PITPNM1: variants seen among roughly 807,000 people sequenced by gnomAD.
PITPNM1 encodes membrane-associated phosphatidylinositol transfer protein 1.
Under a neutral mutation model 133.3 loss-of-function variants are expected in PITPNM1, and 74 were observed. The ratio of observed to expected loss-of-function variants is 0.56; its 90% CI spans 0.46 to 0.67. The LOEUF (loss-of-function observed/expected upper bound fraction) is 0.67, where lower values mean the gene tolerates loss of function less well. Ranked by LOEUF, PITPNM1 falls within the 30% of genes least tolerant of loss-of-function variation. The pLI, the probability that PITPNM1 is intolerant of heterozygous loss-of-function variation, is 0.00. For missense variants in PITPNM1, 1,398 were observed against 1,739.5 expected, an observed-to-expected ratio of 0.80 and a Z score of 3.49; for synonymous variants, 738 against 741.4, an observed-to-expected ratio of 1.00 and a Z score of 0.08.
Position 67,498,117 on chromosome 11 carries a change from G to C in PITPNM1, c.1674+16C>G. 1 of 1,611,662 alleles carries C rather than the reference G, an allele frequency of 6.2e-7. No individual in the cohort carries two copies. On this transcript the variant is annotated intron_variant, in intron 11 of 23. Transcript: ENST00000356404. The surrounding 1 kb of genome is among the most constrained non-coding windows in gnomAD (Gnocchi z 5.7). The stretch of plus-strand genomic sequence containing the variant: ...TGCAGTGGAGGGCAGCAGATGGACT[G>C]TCCCTAACCGCTGACCTGCCCACAG...
rs1468045768 is a variant in PITPNM1, at chr11:67,498,824, A to G, written c.1256T>C (p.Leu419Pro). The change falls in exon 10 of 24, where the codon CTG (leucine) becomes CCG (proline). Residue 419 changes from leucine to proline, a missense_variant. Leu to Pro is a moderately conservative substitution (Grantham distance 98, BLOSUM62 -3). Transcript: ENST00000356404. The surrounding 1 kb of genome is among the most constrained non-coding windows in gnomAD (Gnocchi z 5.7). ...DSEGLDGAGE[L>P]GAEACAVHAL... is the part of the protein sequence containing the mutation. Reference sequence around the variant, plus strand: ...GTGGACTGCGCATGCCTCAGCCCCCAGCTCCCCGGCTCCATCCAGGCCCTG... The same window carrying G: ...GTGGACTGCGCATGCCTCAGCCCCCGGCTCCCCGGCTCCATCCAGGCCCTG... 1.2e-6 allele frequency: 2 copies of G among 1,610,646 alleles called. No homozygotes were observed. Among genetic ancestry groups the G allele is most frequent in the East Asian group, 4.5e-5 (2 of 44,796 alleles).
chr11:67,493,421 G>T lies in PITPNM1; in HGVS notation c.3331C>A (p.Leu1111Met). 1 of 1,592,340 alleles carries T rather than the reference G, an allele frequency of 6.3e-7. No homozygotes were observed. Reference protein sequence around the residue: ...LRQKAMFLQSLVQEVELNIVA... With the variant: ...LRQKAMFLQSMVQEVELNIVA... Reference sequence around the variant, plus strand: ...CCCAGCCGCCGCACCTCCTGCACCAGGCTCTGCAGAAACATTGCCTTCTGG... The same window carrying T: ...CCCAGCCGCCGCACCTCCTGCACCATGCTCTGCAGAAACATTGCCTTCTGG... Residue 1111 changes from leucine (L) to methionine (M), a missense_variant, in exon 22 of 24, where the codon CTG becomes ATG. Coordinates refer to ENST00000356404, the MANE Select transcript of PITPNM1 (RefSeq NM_004910.3).
chr11:67,492,856 T>C, intron 23 of PITPNM1, 78 bp downstream of exon 23: 1 of 1,519,410 alleles, frequency 6.6e-7, no homozygotes, highest in Non-Finnish European at 8.9e-7. Flanking sequence ...TTCCCCAGAG[T>C]CCGTGGTTCC....
At position 67,497,474 on chromosome 11, in the gene PITPNM1, G is replaced by A. The variant is rs769261225; in HGVS notation, c.1941-38C>T. 3.8e-6 allele frequency: 6 copies of A among 1,595,182 alleles called. No individual in the cohort carries two copies. In the East Asian group the frequency reaches 1.1e-4, roughly 30 times the overall value. Reference sequence around the variant, plus strand: ...AGGGGTGCTCAGTGCTGCTGCCTCTGTAGTCCATCATGTGCCCAGGGTAGG... The same window carrying A: ...AGGGGTGCTCAGTGCTGCTGCCTCTATAGTCCATCATGTGCCCAGGGTAGG... On this transcript the variant is annotated intron_variant, in intron 13 of 23. Coordinates refer to ENST00000356404, the MANE Select transcript of PITPNM1 (RefSeq NM_004910.3).
At position 67,502,683 on chromosome 11, in the gene PITPNM1, G is replaced by A. The variant is rs117420640; in HGVS notation, c.114C>T (p.Ser38=). Residue 38 remains serine (S), a synonymous_variant, in exon 3 of 24, where the codon AGC becomes AGT. Coordinates refer to ENST00000356404, the MANE Select transcript of PITPNM1 (RefSeq NM_004910.3). This position sits in a 1 kb window ranked among gnomAD's most constrained non-coding sequence, Gnocchi z 5.9. Reference sequence around the variant, plus strand: ...GCCGGTTGGCCAGGATCTCCACGCCGCTGCCCTCACCACTAGACTCCTCCC... The same window carrying A: ...GCCGGTTGGCCAGGATCTCCACGCCACTGCCCTCACCACTAGACTCCTCCC... ...KSREESSGEG[S]GVEILANRPY... 6,048 of 1,613,308 alleles carry A rather than the reference G, an allele frequency of 3.7e-3. 17 individuals carry two copies. The highest frequency in any genetic ancestry group is 4.8e-3 in the Non-Finnish European group (5,605 of 1,179,958).
rs769872203 is a variant in PITPNM1 at position 67,496,244 on chromosome 11, T to C, written c.2251A>G (p.Ile751Val). 1 of 1,558,462 alleles carries C rather than the reference T, an allele frequency of 6.4e-7. No individual in the cohort carries two copies. The highest frequency in any genetic ancestry group is 2.5e-5 in the East Asian group (1 of 40,248). Residue 751 changes from isoleucine (I) to valine (V), a missense_variant, in exon 15 of 24, where the codon ATC (isoleucine) becomes GTC (valine). Physicochemically the swap from Ile to Val is conservative, Grantham distance 29. This residue lies in a region of PITPNM1 where 574 missense variants were observed against 698.7 expected (regional missense o/e 0.82). Coordinates refer to ENST00000356404, the MANE Select transcript of PITPNM1 (RefSeq NM_004910.3). ...TAGCGGGGCACGGTCAGTGGGGCGA[T>C]GGCCTGGAACTTCGGGGCCAGCAGG... ...EPLLAPKFQA[I>V]APLTVPRYQK...
chr11:67,496,074 G>A, intron 15 of PITPNM1, 104 bp downstream of exon 15: 1 of 1,116,828 alleles, frequency 9.0e-7, no homozygotes, highest in Non-Finnish European at 1.2e-6. Flanking sequence ...GTGGTGGCCT[G>A]AGAGGTTTTC....
Position 67,498,962 on chromosome 11 carries a change from G to A in PITPNM1, c.1211C>T (p.Ala404Val). ...AEAAKGIEDGAQAPRDSEGLD... is the reference protein window; with the variant it reads ...AEAAKGIEDGVQAPRDSEGLD... ...CGCCTCTGAGTCCCTGGGTGCTTGG[G>A]CCCCATCCTCAATGCCTTTAGCTGC... Residue 404 changes from alanine (A) to valine (V), a missense_variant, in exon 9 of 24, where the codon GCC becomes GTC. Ala to Val is a moderately conservative substitution (Grantham distance 64). This residue lies in a region of PITPNM1 where 574 missense variants were observed against 698.7 expected (regional missense o/e 0.82). Transcript: ENST00000356404. The surrounding 1 kb of genome is among the most constrained non-coding windows in gnomAD (Gnocchi z 5.7). The A allele has an allele frequency of 6.2e-7, 1 of 1,612,810 alleles. No individual in the cohort carries two copies. Among genetic ancestry groups the A allele is most frequent in the Non-Finnish European group, 8.5e-7 (1 of 1,179,694 alleles).
intron 14 of PITPNM1, chr11:67,496,581 C>A: frequency 2.0e-6 from 1 of 507,770 alleles, no homozygotes; most frequent in Non-Finnish European, 3.4e-6. Context: ...AGATGGATCA[C>A]TTGAGGTCAG....
Position 67,493,996 on chromosome 11 carries a change from C to G in PITPNM1, c.2934G>C (p.Ser978=), listed in dbSNP as rs748451618. 74 of 1,611,916 alleles carry G rather than the reference C, an allele frequency of 4.6e-5. 1 individual carries two copies. The South Asian group carries it at 7.3e-4, about 16-fold the overall frequency. The change falls in exon 20 of 24, where the codon TCG becomes TCC. Residue 978 remains serine, a synonymous_variant. Transcript: ENST00000356404. ...GGGGAACTGGGAAGGTGAGGCGGCC[C>G]GAGCTATTGGTGACTTCGGTGCCAA... ...IHFGTEVTNS[S]GRLTFPVPPE... is the part of the protein sequence containing the mutation.
At chr11:67,496,629 G>A (rs1005887959) in intron 14 of PITPNM1, 9 of 426,172 alleles carry the variant, frequency 2.1e-5, no homozygotes, top group South Asian at 4.1e-5. Flanking sequence ...GTGAAACCCC[G>A]TCTCCATTAA....
Position 67,492,266 on chromosome 11 carries a change from C to A in PITPNM1, c.3502G>T (p.Gly1168Cys), listed in dbSNP as rs780525987. The A allele has an allele frequency of 6.3e-7, 1 of 1,587,402 alleles. No individual in the cohort carries two copies. Among genetic ancestry groups the A allele is most frequent in the Admixed American group, 1.7e-5 (1 of 57,194 alleles). ...FLSDGYVAHL[G>C]QLEAGSHSHA... ...GAGTGCGAGCCCGCTTCCAGCTGGCCCAGGTGGGCCACATAGCCGTCTGAC... is the reference window on the plus strand; with the variant it reads ...GAGTGCGAGCCCGCTTCCAGCTGGCACAGGTGGGCCACATAGCCGTCTGAC... The change falls in exon 24 of 24, where the codon GGC becomes TGC. Residue 1168 changes from glycine to cysteine, a missense_variant. Physicochemically the swap from Gly to Cys is radical, Grantham distance 159. This residue lies in a region of PITPNM1 where 122 missense variants were observed against 123.3 expected (regional missense o/e 0.99). Coordinates refer to ENST00000356404, the MANE Select transcript of PITPNM1 (RefSeq NM_004910.3).
chr11:67,502,111 G>C lies in PITPNM1; in HGVS notation c.416-25C>G. 1 of 1,601,754 alleles carries C rather than the reference G, an allele frequency of 6.2e-7. No individual in the cohort carries two copies. The highest frequency in any genetic ancestry group is 8.5e-7 in the Non-Finnish European group (1 of 1,172,342). ...TCTGAGGGAGTTCGGCAAGCATTGA[G>C]CAGCGCCAGCCCCTTTGAGCCCCCG... is the stretch of plus-strand genomic sequence containing the variant. On this transcript the variant is annotated intron_variant, in intron 4 of 23. Coordinates refer to ENST00000356404, the MANE Select transcript of PITPNM1 (RefSeq NM_004910.3). The surrounding 1 kb of genome is among the most constrained non-coding windows in gnomAD (Gnocchi z 5.9).
chr11:67,495,193 C>T lies in PITPNM1; in HGVS notation c.2515G>A (p.Asp839Asn), dbSNP rs1427152690. The T allele has an allele frequency of 6.2e-7, 1 of 1,607,384 alleles. No individual in the cohort carries two copies. Among genetic ancestry groups the T allele is most frequent in the Non-Finnish European group, 8.5e-7 (1 of 1,176,950 alleles). ...LERWWGTKRI[D>N]YSLYCPEALT... ...GCCTCGGGGCAGTACAGCGAGTAGT[C>T]GATCCGCTTGGTCCCCCACCAGCGC... The change falls in exon 17 of 24, where the codon GAC becomes AAC. Residue 839 changes from aspartate (D) to asparagine (N), a missense_variant. By Grantham distance (23) the Asp-to-Asn change is conservative. Transcript: ENST00000356404.
At position 67,493,753 on chromosome 11, in the gene PITPNM1, G is replaced by T; in HGVS notation, c.3093C>A (p.Phe1031Leu). The change falls in exon 21 of 24, where the codon TTC (phenylalanine) becomes TTA (leucine). Residue 1031 changes from phenylalanine to leucine, a missense_variant. Physicochemically the swap from Phe to Leu is conservative, Grantham distance 22. This residue lies in a region of PITPNM1 where 233 missense variants were observed against 378.0 expected (regional missense o/e 0.62). Transcript: ENST00000356404. ...TGCCCATGATGGAGACGCTGGCGGT[G>T]AAGGAGCCGTCGATGCTGAAGACCA... ...EAVVFSIDGS[F>L]TASVSIMGSD... 6.5e-7 allele frequency: 1 copy of T among 1,548,840 alleles called. No individual in the cohort carries two copies. The highest frequency in any genetic ancestry group is 1.4e-5 in the African/African-American group (1 of 73,254).
At position 67,491,976 on chromosome 11, in the gene PITPNM1, C is replaced by T. The variant is rs1865937969; in HGVS notation, c.*57G>A. On this transcript the variant is annotated 3_prime_UTR_variant, in exon 24 of 24. Transcript: ENST00000356404. Reference sequence around the variant, plus strand: ...TGGGTCCCCAGCCTCCCACACGCAGCCCCTCGGGCCCCTTGGGTGTGTCAA... The same window carrying T: ...TGGGTCCCCAGCCTCCCACACGCAGTCCCTCGGGCCCCTTGGGTGTGTCAA... 1.3e-6 allele frequency: 2 copies of T among 1,562,966 alleles called. No homozygotes were observed. The highest frequency in any genetic ancestry group is 1.2e-5 in the South Asian group (1 of 85,642).
At position 67,502,048 on chromosome 11, in the gene PITPNM1, C is replaced by T; in HGVS notation, c.454G>A (p.Glu152Lys). 1.9e-6 allele frequency: 3 copies of T among 1,613,214 alleles called. No homozygotes were observed. The highest frequency in any genetic ancestry group is 2.2e-5 in the East Asian group (1 of 44,876). The change falls in exon 5 of 24, where the codon GAG (glutamate) becomes AAG (lysine). Residue 152 changes from glutamate to lysine, a missense_variant. By Grantham distance (56) the Glu-to-Lys change is moderately conservative. Coordinates refer to ENST00000356404, the MANE Select transcript of PITPNM1 (RefSeq NM_004910.3). The surrounding 1 kb of genome is among the most constrained non-coding windows in gnomAD (Gnocchi z 5.9). ...CGGGGGTCCTCTTCTGCTTTGTACTCGCCTGGGGCCACTGCATCCCGCACG... is the reference window on the plus strand; with the variant it reads ...CGGGGGTCCTCTTCTGCTTTGTACTTGCCTGGGGCCACTGCATCCCGCACG... ...DIVRDAVAPG[E>K]YKAEEDPRLY...
Position 67,501,083 on chromosome 11 carries a change from G to C in PITPNM1, c.641-662C>G, listed in dbSNP as rs985725318. ...GCTGAATTTCCTCACCTGTAAAATG[G>C]GAATAATCATCGTCATTACCTGGTG... On this transcript the variant is annotated intron_variant, in intron 5 of 23. Coordinates refer to ENST00000356404, the MANE Select transcript of PITPNM1 (RefSeq NM_004910.3). 3.3e-5 allele frequency among the ~76,000 whole-genome samples: 5 copies of C among 152,220 alleles called. No individual in the cohort carries two copies. In the East Asian group the frequency reaches 9.6e-4, roughly 29 times the overall value.
Position 67,491,800 on chromosome 11 carries a change from T to C in PITPNM1, c.*233A>G. 1 of 567,002 alleles carries C rather than the reference T, an allele frequency of 1.8e-6. No individual in the cohort carries two copies. The highest frequency in any genetic ancestry group is 3.1e-6 in the Non-Finnish European group (1 of 319,528). 35.1% of individuals were successfully genotyped at this position (567,002 alleles called of 1,614,324 possible). A position where few individuals can be genotyped will look rare whatever the true frequency, so the allele number is the denominator to read the frequency against. On this transcript the variant is annotated 3_prime_UTR_variant, in exon 24 of 24. Transcript: ENST00000356404. ...CAGGTGGCGTTTATTTTCATGGATT[T>C]ATACACACTGGAAAAGCCTCTGCGC...
Sources: gnomAD v4.1 joint callset for allele counts (sites outside exome capture counted in the v4.1 genomes callset) on GRCh38, gnomAD v4.1.1 for gene constraint, gnomAD v4.1.1 regional missense constraint, Gnocchi (gnomAD v3.1) non-coding constraint, MANE v1.5 for transcripts, NCBI Gene and HGNC (gene_info 2026-07-23, HGNC 2026-07-21) for gene names.